Variants in CLYBL observed in about 807,000 individuals in gnomAD.
The protein encoded by CLYBL is citramalyl-CoA lyase.
In CLYBL, 31 loss-of-function variants were observed where a neutral mutation model predicts 38.9. That is an observed-to-expected ratio of 0.80 (90% CI 0.60 to 1.08). CLYBL has a LOEUF of 1.08. CLYBL is among the 50% of genes least tolerant of loss of function. CLYBL has a pLI of 0.00. For synonymous variants in CLYBL, 171 were observed against 158.6 expected, an observed-to-expected ratio of 1.08 and a Z score of -0.59; for missense variants, 434 against 411.6, an observed-to-expected ratio of 1.05 and a Z score of -0.47.
At chr13:99,683,230 C>A (rs1233006180) in intron 1 of CLYBL, among the ~76,000 whole-genome samples, 1 of 150,152 alleles carries the variant, frequency 6.7e-6, no homozygotes, top group Non-Finnish European at 1.5e-5. Context: ...TGCAGGTGCC[C>A]CCCCCTACAC....
chr13:99,808,244 C>G (rs923781813), intron 2 of CLYBL, among the ~76,000 whole-genome samples: 1 of 152,166 alleles, frequency 6.6e-6, no homozygotes, highest in Non-Finnish European at 1.5e-5. Context: ...CACCCCCACT[C>G]CAGGCTCATT....
rs1379634347 is a variant in CLYBL at position 99,606,777 on chromosome 13, C to T, written c.62+20C>T. On this transcript the variant is annotated intron_variant, in intron 1 of 8. Coordinates refer to ENST00000339105, the MANE Select transcript of CLYBL (RefSeq NM_206808.5). ...GAGGCTGTGAGTGCAGGTCCCCGTT[C>T]CCCGCCTTCCCGGCCCGGCTCGCCG... 4.3e-6 allele frequency: 6 copies of T among 1,391,014 alleles called. No individual in the cohort carries two copies. Among genetic ancestry groups the T allele is most frequent in the South Asian group, 1.6e-5 (1 of 62,566 alleles). The allele number at this position is 1,391,014 out of a possible 1,614,324, so 86.2% of individuals were successfully genotyped here.
At chr13:99,861,324 A>G (rs2051596778) in intron 3 of CLYBL, among the ~76,000 whole-genome samples, 1 of 152,124 alleles carries the variant, frequency 6.6e-6, no homozygotes, top group South Asian at 2.1e-4. Context: ...TGTTCTCACT[A>G]AGAACAGGGA....
rs540818766 is a variant in CLYBL, at chr13:99,792,676, G to T, written c.249+19666G>T. Among the ~76,000 whole-genome samples the T allele has an allele frequency of 5.3e-5, 8 of 151,886 alleles. No individual in the cohort carries two copies. The South Asian group carries it at 1.5e-3, about 28-fold the overall frequency. On this transcript the variant is annotated intron_variant, in intron 2 of 8. Coordinates refer to ENST00000339105, the MANE Select transcript of CLYBL (RefSeq NM_206808.5). Reference sequence around the variant, plus strand: ...AAAGAAGGTGAGTGGTTGTGGAGGCGAGAACAACTGGAGGCTGTGCTGTAG... The same window carrying T: ...AAAGAAGGTGAGTGGTTGTGGAGGCTAGAACAACTGGAGGCTGTGCTGTAG...
At chr13:99,705,533 T>C (rs2048133954) in intron 1 of CLYBL, among the ~76,000 whole-genome samples, 1 of 152,012 alleles carries the variant, frequency 6.6e-6, no homozygotes, top group Non-Finnish European at 1.5e-5. Flanking sequence ...TGAGCCAAGA[T>C]TGTGCCTTTG....
chr13:99,890,757 T>A (rs771562999), intron 7 of CLYBL, among the ~76,000 whole-genome samples: 1 of 152,166 alleles, frequency 6.6e-6, no homozygotes, highest in Non-Finnish European at 1.5e-5. Flanking sequence ...TGTGAGCCAC[T>A]GCGCCTGGCC....
chr13:99,888,230 A>C (rs2052399958), intron 7 of CLYBL, among the ~76,000 whole-genome samples: 1 of 151,716 alleles, frequency 6.6e-6, no homozygotes, highest in Non-Finnish European at 1.5e-5. Flanking sequence ...AACACTACTG[A>C]ACTGCACACT....
chr13:99,835,330 C>T (rs1223656898), intron 2 of CLYBL, among the ~76,000 whole-genome samples: 1 of 152,200 alleles, frequency 6.6e-6, no homozygotes, highest in African/African-American at 2.4e-5. Context: ...AGTGCTCCTC[C>T]TCCATGTTCA....
intron 7 of CLYBL, among the ~76,000 whole-genome samples, chr13:99,886,937 G>C (rs911275101): frequency 6.6e-6 from 1 of 152,192 alleles, no homozygotes; most frequent in African/African-American, 2.4e-5. Context: ...CAAGGGAGCT[G>C]CTCGGTCCAT....
downstream of CLYBL, among the ~76,000 whole-genome samples, chr13:99,897,474 G>C (rs1594254658): frequency 1.3e-5 from 2 of 152,210 alleles, no homozygotes; most frequent in South Asian, 2.1e-4. Flanking sequence ...CAGACTTCCA[G>C]AGTCAAGCTA....
intron 2 of CLYBL, among the ~76,000 whole-genome samples, chr13:99,839,366 G>A (rs557131204): frequency 6.6e-6 from 1 of 152,358 alleles, no homozygotes; most frequent in South Asian, 2.1e-4. Context: ...GGTCCATCCA[G>A]TGGCTGTGTT....
At chr13:99,703,397 G>C (rs1337524462) in intron 1 of CLYBL, among the ~76,000 whole-genome samples, 1 of 151,990 alleles carries the variant, frequency 6.6e-6, no homozygotes, top group African/African-American at 2.4e-5. Flanking sequence ...TTGAGATGGA[G>C]TCTCACTCTG....
At chr13:99,612,443 A>C (rs1441384907) in intron 1 of CLYBL, among the ~76,000 whole-genome samples, 1 of 134,798 alleles carries the variant, frequency 7.4e-6, no homozygotes, top group Non-Finnish European at 1.5e-5. Context: ...GCTGGAGTGC[A>C]CTGATGCAAT....
At chr13:99,719,980 T>G (rs1204981549) in intron 1 of CLYBL, among the ~76,000 whole-genome samples, 1 of 152,176 alleles carries the variant, frequency 6.6e-6, no homozygotes, top group Non-Finnish European at 1.5e-5. Flanking sequence ...TTTGTTGTGA[T>G]TGCTAATGTA....
chr13:99,907,007 A>G (rs958711418), intron 9 of CLYBL, among the ~76,000 whole-genome samples: 1 of 152,190 alleles, frequency 6.6e-6, no homozygotes, highest in Non-Finnish European at 1.5e-5. Context: ...GGCAAATACT[A>G]CTTTATTCAC....
chr13:99,706,220 G>A lies in CLYBL; in HGVS notation c.63-66604G>A, dbSNP rs1169862496. On this transcript the variant is annotated intron_variant, in intron 1 of 8. Transcript: ENST00000339105. ...GCTGGCATTACAGGCGTGAGCTACCGTGCCTGACGTATTTTGCCCCAATTT... is the reference window on the plus strand; with the variant it reads ...GCTGGCATTACAGGCGTGAGCTACCATGCCTGACGTATTTTGCCCCAATTT... 7.9e-5 allele frequency among the ~76,000 whole-genome samples: 12 copies of A among 151,896 alleles called. No homozygotes were observed. The East Asian group carries it at 1.4e-3, about 17-fold the overall frequency.
chr13:99,838,872 C>A (rs1319388029), intron 2 of CLYBL, among the ~76,000 whole-genome samples: 1 of 152,206 alleles, frequency 6.6e-6, no homozygotes, highest in Non-Finnish European at 1.5e-5. Context: ...ATCTCCTGAC[C>A]TCGTGATCCA....
chr13:99,664,173 G>A (rs187296401), intron 1 of CLYBL, among the ~76,000 whole-genome samples: 1 of 152,118 alleles, frequency 6.6e-6, no homozygotes, highest in African/African-American at 2.4e-5. Context: ...ATGTCTCTTC[G>A]GCTCTGGGAC....
intron 1 of CLYBL, among the ~76,000 whole-genome samples, chr13:99,709,987 T>A (rs9585200): frequency 6.9e-6 from 1 of 145,980 alleles, no homozygotes; most frequent in Admixed American, 7.1e-5. Context: ...GCAGTGGCGC[T>A]ATCTGGGCTC....
Sources: allele counts gnomAD v4.1 joint callset (sites outside exome capture counted in the v4.1 genomes callset), GRCh38; gene constraint gnomAD v4.1.1; transcripts MANE v1.5; gene names NCBI Gene and HGNC (gene_info 2026-07-23, HGNC 2026-07-21).